Variants in RYR2 observed in about 807,000 individuals in gnomAD.
RYR2 encodes ryanodine receptor 2, also known as cardiac muscle ryanodine receptor-calcium release channel.
Under a neutral mutation model 601.1 loss-of-function variants are expected in RYR2, and 227 were observed. The observed-to-expected ratio is 0.38, with a 90% confidence interval of 0.34 to 0.42. The LOEUF (loss-of-function observed/expected upper bound fraction) is 0.42, where lower values mean the gene tolerates loss of function less well. RYR2 is among the 10% of genes least tolerant of loss of function. The pLI is 1.00. For synonymous variants in RYR2, 2,223 were observed against 2,175.1 expected (o/e 1.02, Z -0.61); for missense variants, 4,646 against 6,156.5 (o/e 0.75, Z 8.21).
chr1:237,247,420 T>C (rs1469878825), intron 1 of RYR2, among the ~76,000 whole-genome samples: 2 of 152,170 alleles, frequency 1.3e-5, no homozygotes, highest in East Asian at 3.9e-4. Context: ...TCAGGGCTAA[T>C]CTTTAATAAG....
chr1:237,743,248 T>G (rs1448092885), intron 80 of RYR2, among the ~76,000 whole-genome samples: 1 of 152,202 alleles, frequency 6.6e-6, no homozygotes, highest in African/African-American at 2.4e-5. Context: ...AGCCAATGAA[T>G]AAGCTCAGAG....
chr1:237,749,790 T>C (rs144634603), intron 80 of RYR2, among the ~76,000 whole-genome samples: 215 of 152,142 alleles, frequency 1.4e-3, no homozygotes, highest in African/African-American at 5.0e-3. Context: ...TTGTGGAGGA[T>C]TGAAAAAGAA....
chr1:237,605,679 G>T (rs995079482), intron 35 of RYR2, among the ~76,000 whole-genome samples: 5 of 151,900 alleles, frequency 3.3e-5, no homozygotes, highest in African/African-American at 1.2e-4. Context: ...CATCATCTCA[G>T]CCCAAAATCT....
chr1:237,591,164 CCTT>C (rs1675141952), intron 31 of RYR2, among the ~76,000 whole-genome samples, 172 bp downstream of exon 31: 1 of 3,408 alleles, frequency 2.9e-4, no homozygotes, highest in African/African-American at 4.2e-4. Context: ...TCCTCTTCCC[CCTT>C]CTCCTCCTCC....
intron 98 of RYR2, among the ~76,000 whole-genome samples, chr1:237,803,564 T>A (rs889117414): frequency 2.6e-5 from 4 of 152,128 alleles, no homozygotes; most frequent in Admixed American, 2.0e-4. Flanking sequence ...CCTCCCAAAG[T>A]ACTGGGATTA....
chr1:237,549,720 G>A (rs1670193785), intron 26 of RYR2, among the ~76,000 whole-genome samples: 1 of 137,320 alleles, frequency 7.3e-6, no homozygotes, highest in Admixed American at 7.8e-5. Flanking sequence ...TTAAAGTATT[G>A]AGAATTGATT....
chr1:237,253,843 A>G (rs1186264775), intron 1 of RYR2, among the ~76,000 whole-genome samples: 3 of 152,240 alleles, frequency 2.0e-5, no homozygotes, highest in Non-Finnish European at 4.4e-5. Flanking sequence ...TGCCTGGTAC[A>G]CCAGATGATA....
At chr1:237,411,688 A>G (rs548526923) in intron 10 of RYR2, among the ~76,000 whole-genome samples, 7 of 152,276 alleles carry the variant, frequency 4.6e-5, no homozygotes, top group Non-Finnish European at 1.0e-4. Context: ...CCCATTTTAC[A>G]TATGAAGAAA....
intron 1 of RYR2, among the ~76,000 whole-genome samples, chr1:237,150,641 G>C (rs1406787046): frequency 6.6e-6 from 1 of 152,148 alleles, no homozygotes; most frequent in Non-Finnish European, 1.5e-5. Context: ...GAAAAAACTA[G>C]AGGTAGAACA....
intron 23 of RYR2, among the ~76,000 whole-genome samples, chr1:237,507,955 C>T (rs956496809): frequency 3.3e-5 from 5 of 152,262 alleles, no homozygotes; most frequent in South Asian, 2.1e-4. Flanking sequence ...TTTTGTGCTA[C>T]GTTCATCAAT....
intron 3 of RYR2, among the ~76,000 whole-genome samples, chr1:237,351,005 G>C (rs1172048910): frequency 6.6e-6 from 1 of 152,008 alleles, no homozygotes; most frequent in African/African-American, 2.4e-5. Flanking sequence ...TACCAAAATT[G>C]ATTATGGAGG....
At chr1:237,189,075 A>G (rs1370833785) in intron 1 of RYR2, among the ~76,000 whole-genome samples, 1 of 152,054 alleles carries the variant, frequency 6.6e-6, no homozygotes, top group Non-Finnish European at 1.5e-5. Context: ...GCCCTTGACA[A>G]CCACCTTTCT....
intron 2 of RYR2, among the ~76,000 whole-genome samples, chr1:237,302,323 G>A (rs1322790122): frequency 6.6e-6 from 1 of 152,090 alleles, no homozygotes; most frequent in Non-Finnish European, 1.5e-5. Flanking sequence ...AGTCTTTAAT[G>A]TGATAGGAAA....
chr1:237,830,125 T>TG (rs1331488835), intron 102 of RYR2: 38 of 172,464 alleles, frequency 2.2e-4, no homozygotes, highest in Non-Finnish European at 2.5e-5. Flanking sequence ...CGTCCGACTT[T>TG]GTTTGGGTGG....
intron 16 of RYR2, among the ~76,000 whole-genome samples, chr1:237,464,703 A>G (rs961345482): frequency 3.3e-5 from 5 of 152,128 alleles, no homozygotes; most frequent in African/African-American, 1.2e-4. Flanking sequence ...ATGTACTTAT[A>G]TTCAGTGTAT....
intron 41 of RYR2, among the ~76,000 whole-genome samples, chr1:237,628,585 G>A (rs990056663): frequency 6.6e-6 from 1 of 152,004 alleles, no homozygotes; most frequent in African/African-American, 2.4e-5. Context: ...ATTCCATGGT[G>A]TATATGTGCC....
intron 1 of RYR2, among the ~76,000 whole-genome samples, chr1:237,118,176 T>C (rs946063597): frequency 2.6e-5 from 4 of 152,222 alleles, no homozygotes; most frequent in African/African-American, 9.7e-5. Flanking sequence ...ACATTTTAAA[T>C]TGAAATTGAT....
intron 3 of RYR2, among the ~76,000 whole-genome samples, chr1:237,353,378 G>A (rs866789955): frequency 2.6e-5 from 4 of 151,692 alleles, no homozygotes; most frequent in South Asian, 2.1e-4. Context: ...GTGTGGTGGC[G>A]GGCACCTGTA....
intron 1 of RYR2, chr1:237,121,217 A>G (rs1470616423): frequency 6.6e-6 from 1 of 152,172 alleles, no homozygotes; most frequent in East Asian, 1.9e-4. Context: ...ATCGGCATAC[A>G]CCATGTTTTT....
Sources: gnomAD v4.1 joint callset for allele counts (sites outside exome capture counted in the v4.1 genomes callset) on GRCh38, gnomAD v4.1.1 for gene constraint, MANE v1.5 for transcripts, NCBI Gene and HGNC (gene_info 2026-07-23, HGNC 2026-07-21) for gene names.